RAPGEF4: variants seen among roughly 807,000 people sequenced by gnomAD.
RAPGEF4 encodes the protein Rap guanine nucleotide exchange factor 4.
A neutral mutation model predicts 147.9 loss-of-function variants in RAPGEF4; 66 were observed. That is an observed-to-expected ratio of 0.45 (90% CI 0.37 to 0.55). RAPGEF4 has a LOEUF of 0.55. RAPGEF4 is among the 20% of genes least tolerant of loss of function. The pLI, the probability that RAPGEF4 is intolerant of heterozygous loss-of-function variation, is 0.00. For synonymous variants in RAPGEF4, 419 were observed against 442.7 expected, an observed-to-expected ratio of 0.95 and a Z score of 0.67; for missense variants, 1,071 against 1,257.3, an observed-to-expected ratio of 0.85 and a Z score of 2.24.
intron 10 of RAPGEF4, among the ~76,000 whole-genome samples, chr2:172,975,983 C>T (rs1049600639): frequency 2.0e-5 from 3 of 152,226 alleles, no homozygotes; most frequent in Non-Finnish European, 4.4e-5. Flanking sequence ...CCTAAAAACA[C>T]TTAGCACTCA....
intron 4 of RAPGEF4, among the ~76,000 whole-genome samples, chr2:172,819,448 A>G (rs1169373576): frequency 7.7e-6 from 1 of 130,088 alleles, no homozygotes; most frequent in African/African-American, 2.8e-5. Context: ...GTCTTAGAAT[A>G]CCATTTTTAG....
intron 1 of RAPGEF4, among the ~76,000 whole-genome samples, chr2:172,742,014 A>G (rs1336454212): frequency 6.6e-6 from 1 of 152,092 alleles, no homozygotes; most frequent in Admixed American, 6.5e-5. Flanking sequence ...CAACATCATC[A>G]ACTTACAGCC....
At chr2:173,022,275 CTG>C (rs1251337530) in intron 23 of RAPGEF4, among the ~76,000 whole-genome samples, 1 of 152,222 alleles carries the variant, frequency 6.6e-6, no homozygotes, top group Non-Finnish European at 1.5e-5. Flanking sequence ...TTCTAAACCT[CTG>C]TTTGTTGGCA....
intron 10 of RAPGEF4, among the ~76,000 whole-genome samples, chr2:172,972,028 C>T (rs1302326894): frequency 4.5e-5 from 6 of 132,354 alleles, no homozygotes; most frequent in Non-Finnish European, 9.1e-5. Flanking sequence ...TGCTATAGGG[C>T]GTAAAGTTGA....
intron 1 of RAPGEF4, chr2:172,744,404 A>G: frequency 2.2e-6 from 1 of 456,468 alleles, no homozygotes. Context: ...CCCAGTGCCT[A>G]CAGTAATGGC....
At chr2:172,936,001 G>T (rs1213600301) in intron 6 of RAPGEF4, among the ~76,000 whole-genome samples, 4 of 152,166 alleles carry the variant, frequency 2.6e-5, no homozygotes, top group Admixed American at 2.6e-4. Flanking sequence ...ATGAAGTCTA[G>T]CAAGATGGTG....
In RAPGEF4 at chr2:172,947,782, C is replaced by A. The variant is rs146226877; in HGVS notation, c.538-12978C>A. ...TTTTTTTTGATAAGAAGTTCTAAAT[C>A]AAGCTTTTTCTTCTGAGTTTTCATT... On this transcript the variant is annotated intron_variant, in intron 6 of 30. Transcript: ENST00000397081. 1.6e-3 allele frequency among the ~76,000 whole-genome samples: 239 copies of A among 152,122 alleles called. 1 individual carries two copies. Among genetic ancestry groups the A allele is most frequent in the African/African-American group, 5.4e-3 (225 of 41,504 alleles).
intron 4 of RAPGEF4, among the ~76,000 whole-genome samples, chr2:172,876,192 A>G (rs544116405): frequency 6.6e-6 from 1 of 152,294 alleles, no homozygotes; most frequent in African/African-American, 2.4e-5. Flanking sequence ...AGTCATCTGC[A>G]AACAGGGACA....
intron 4 of RAPGEF4, among the ~76,000 whole-genome samples, chr2:172,872,895 C>CTGG (rs1461313358): frequency 7.0e-4 from 107 of 152,234 alleles, no homozygotes; most frequent in African/African-American, 2.5e-3. Flanking sequence ...TCCAGCTTCA[C>CTGG]AAGCAGTAGT....
intron 1 of RAPGEF4, among the ~76,000 whole-genome samples, chr2:172,789,675 T>A (rs1328650712): frequency 6.6e-6 from 1 of 152,224 alleles, no homozygotes. Flanking sequence ...TTCTATGAAT[T>A]TGACTATTTT....
At chr2:172,997,959 G>C (rs895655613) in intron 16 of RAPGEF4, among the ~76,000 whole-genome samples, 4 of 152,132 alleles carry the variant, frequency 2.6e-5, no homozygotes, top group African/African-American at 7.2e-5. Context: ...TTAGGGTATA[G>C]TAGATATAAT....
At chr2:172,996,583 A>G (rs765179984) in intron 16 of RAPGEF4, 29 bp downstream of exon 16, 1 of 1,392,948 alleles carries the variant, frequency 7.2e-7, no homozygotes, top group South Asian at 1.3e-5. Flanking sequence ...TTGCATGTCC[A>G]TTAAATCCAT....
intron 1 of RAPGEF4, among the ~76,000 whole-genome samples, chr2:172,738,665 A>T (rs1425242731): frequency 2.0e-5 from 3 of 152,146 alleles, no homozygotes; most frequent in Non-Finnish European, 4.4e-5. Context: ...TATTATGGAC[A>T]TTTTCAACCC....
intron 17 of RAPGEF4, among the ~76,000 whole-genome samples, chr2:173,007,746 T>G (rs889911465): frequency 3.3e-5 from 5 of 152,142 alleles, no homozygotes; most frequent in Non-Finnish European, 5.9e-5. Context: ...AACTTGCATT[T>G]TATGAACATG....
chr2:172,954,832 T>C (rs780066962), intron 6 of RAPGEF4, among the ~76,000 whole-genome samples: 1 of 152,212 alleles, frequency 6.6e-6, no homozygotes, highest in Non-Finnish European at 1.5e-5. Context: ...GGATTTGAAA[T>C]CCAAAATGTT....
intron 4 of RAPGEF4, among the ~76,000 whole-genome samples, chr2:172,876,211 T>A (rs1247873156): frequency 6.6e-6 from 1 of 152,174 alleles, no homozygotes; most frequent in Non-Finnish European, 1.5e-5. Flanking sequence ...CAATTTGACT[T>A]CCTCCTTTCC....
intron 12 of RAPGEF4, among the ~76,000 whole-genome samples, chr2:172,986,682 AT>A (rs1432108399): frequency 6.7e-6 from 1 of 148,532 alleles, no homozygotes; most frequent in East Asian, 2.0e-4. Context: ...ATAACATGCC[AT>A]TTTTTTCATA....
intron 6 of RAPGEF4, among the ~76,000 whole-genome samples, chr2:172,923,162 T>C (rs1452366384): frequency 6.6e-6 from 1 of 152,244 alleles, no homozygotes; most frequent in Non-Finnish European, 1.5e-5. Context: ...TATCAGTCTC[T>C]GGCTTGCTTT....
chr2:172,891,629 A>G (rs1422561144), intron 4 of RAPGEF4, among the ~76,000 whole-genome samples: 1 of 152,210 alleles, frequency 6.6e-6, no homozygotes, highest in Non-Finnish European at 1.5e-5. Flanking sequence ...GGAAGGGGAC[A>G]TAGATGGGTG....
Sources: allele counts gnomAD v4.1 joint callset (sites outside exome capture counted in the v4.1 genomes callset), GRCh38; gene constraint gnomAD v4.1.1; transcripts MANE v1.5; gene names NCBI Gene and HGNC (gene_info 2026-07-23, HGNC 2026-07-21).